Variants in EVL observed in about 807,000 individuals in gnomAD.
EVL encodes ena/VASP-like protein.
EVL carries 21 observed loss-of-function variants against 59.6 expected under a neutral mutation model. The observed-to-expected ratio is 0.35, with a 90% CI of 0.25 to 0.51. The LOEUF is 0.51. EVL is among the 20% of genes least tolerant of loss of function. The pLI is 0.97. For synonymous variants in EVL, 198 were observed against 203.5 expected (o/e 0.97, Z 0.23); for missense variants, 462 against 546.6 (o/e 0.85, Z 1.54).
intron 1 of EVL, among the ~76,000 whole-genome samples, chr14:100,001,148 G>T (rs2060943892): frequency 6.6e-6 from 1 of 152,180 alleles, no homozygotes; most frequent in African/African-American, 2.4e-5. Context: ...AGGTATGAAA[G>T]TGGCTTATGT....
intron 10 of EVL, 23 bp downstream of exon 10, chr14:100,137,667 G>A: frequency 3.1e-6 from 5 of 1,614,168 alleles, no homozygotes; most frequent in Non-Finnish European, 4.2e-6. Context: ...AGGAAGGCCT[G>A]AGCAGCGAGG....
At chr14:99,981,041 C>A (rs937981807) in intron 1 of EVL, among the ~76,000 whole-genome samples, 1 of 149,284 alleles carries the variant, frequency 6.7e-6, no homozygotes, top group Admixed American at 6.7e-5. Flanking sequence ...TTGAGACCGG[C>A]GGCGGTGGGC....
intron 1 of EVL, among the ~76,000 whole-genome samples, chr14:100,024,674 C>T (rs1333503674): frequency 1.3e-5 from 2 of 152,154 alleles, no homozygotes; most frequent in Non-Finnish European, 2.9e-5. Flanking sequence ...TGCCCTGCCC[C>T]CAGGCAGCCA....
At chr14:100,093,939 T>C (rs1885619718) in intron 2 of EVL, among the ~76,000 whole-genome samples, 1 of 152,220 alleles carries the variant, frequency 6.6e-6, no homozygotes, top group Non-Finnish European at 1.5e-5. Flanking sequence ...ATTGTTCCAT[T>C]TTATTATTAG....
intron 2 of EVL, among the ~76,000 whole-genome samples, chr14:100,091,416 C>G (rs1595162830): frequency 6.6e-6 from 1 of 152,098 alleles, no homozygotes; most frequent in East Asian, 1.9e-4. Context: ...GAGATCATAC[C>G]CTTTTTATCC....
chr14:100,133,845 G>A (rs1888601194), intron 8 of EVL, among the ~76,000 whole-genome samples: 1 of 152,224 alleles, frequency 6.6e-6, no homozygotes, highest in Admixed American at 6.5e-5. Flanking sequence ...GCTGAGGCAG[G>A]AGAATTGCTT....
chr14:100,004,176 C>T (rs540812048), intron 1 of EVL, among the ~76,000 whole-genome samples: 1 of 152,318 alleles, frequency 6.6e-6, no homozygotes, highest in Admixed American at 6.5e-5. Flanking sequence ...TGCACTCCAG[C>T]CTGGGCGACA....
chr14:99,971,836 C>T (rs1015640789), exon 1 of EVL: 1 of 146,944 alleles, frequency 6.8e-6, no homozygotes, highest in African/African-American at 2.4e-5. Context: ...CGGGGCCCAG[C>T]TGTCAGTCGC....
chr14:100,015,431 C>T (rs907210570), intron 1 of EVL, among the ~76,000 whole-genome samples: 1 of 152,148 alleles, frequency 6.6e-6, no homozygotes, highest in East Asian at 1.9e-4. Context: ...GGAGAAGTCC[C>T]GGGCAGCTCA....
At chr14:99,976,641 T>C (rs917887248) in intron 1 of EVL, among the ~76,000 whole-genome samples, 1 of 152,202 alleles carries the variant, frequency 6.6e-6, no homozygotes, top group African/African-American at 2.4e-5. Context: ...ATAATTAATA[T>C]CTGCTGTTAT....
chr14:99,985,558 G>A (rs1254509571), intron 1 of EVL, among the ~76,000 whole-genome samples: 5 of 151,516 alleles, frequency 3.3e-5, no homozygotes, highest in Admixed American at 2.0e-4. Context: ...ACCTGAGGTC[G>A]GGAGTTCGTG....
chr14:100,136,563 C>A (rs1280081693), intron 9 of EVL, among the ~76,000 whole-genome samples: 1 of 152,112 alleles, frequency 6.6e-6, no homozygotes, highest in African/African-American at 2.4e-5. Context: ...TGCTCTGTGC[C>A]AGGCCTGTGC....
intron 1 of EVL, among the ~76,000 whole-genome samples, chr14:100,057,089 T>G (rs2061745552): frequency 6.6e-6 from 1 of 152,138 alleles, no homozygotes; most frequent in Non-Finnish European, 1.5e-5. Flanking sequence ...AAACCCAAGT[T>G]TGCCTGTAGA....
intron 2 of EVL, 106 bp from the exon 3 acceptor site, chr14:100,097,375 T>C: frequency 1.0e-6 from 1 of 984,942 alleles, no homozygotes; most frequent in Non-Finnish European, 1.5e-6. Flanking sequence ...CCCATCCCCA[T>C]CTTCCTGTCC....
intron 1 of EVL, among the ~76,000 whole-genome samples, chr14:99,983,428 A>C (rs562912520): frequency 6.6e-5 from 10 of 152,292 alleles, no homozygotes; most frequent in African/African-American, 2.2e-4. Context: ...TTGGGTAATA[A>C]AGGAGAGACA....
At chr14:100,086,334 A>C (rs1321295808) in intron 2 of EVL, among the ~76,000 whole-genome samples, 1 of 152,194 alleles carries the variant, frequency 6.6e-6, no homozygotes, top group Non-Finnish European at 1.5e-5. Flanking sequence ...CTTTGGCCCC[A>C]ATTATGGTGA....
At chr14:100,111,026 G>C (rs969605348) in intron 3 of EVL, among the ~76,000 whole-genome samples, 1 of 152,146 alleles carries the variant, frequency 6.6e-6, no homozygotes. Flanking sequence ...AAGTGGCACA[G>C]ATTGTGGGGG....
chr14:100,025,819 C>T (rs1196380424), intron 1 of EVL, among the ~76,000 whole-genome samples: 1 of 152,158 alleles, frequency 6.6e-6, no homozygotes, highest in East Asian at 1.9e-4. Flanking sequence ...GCCTGTAATC[C>T]TAGCTACTCG....
chr14:100,112,759 T>G (rs572437558), intron 3 of EVL, among the ~76,000 whole-genome samples: 1 of 152,348 alleles, frequency 6.6e-6, no homozygotes, highest in East Asian at 1.9e-4. Flanking sequence ...CCACACACAT[T>G]CCTTTAATTC....
Sources: gnomAD v4.1 joint callset for allele counts (sites outside exome capture counted in the v4.1 genomes callset) on GRCh38, gnomAD v4.1.1 for gene constraint, MANE v1.5 for transcripts, NCBI Gene and HGNC (gene_info 2026-07-23, HGNC 2026-07-21) for gene names.